Variants in PWWP3B observed in about 807,000 individuals in gnomAD.
PWWP3B encodes the protein PWWP domain-containing DNA repair factor 3B.
A neutral mutation model predicts 15.7 loss-of-function variants in PWWP3B; 5 were observed. The ratio of observed to expected loss-of-function variants is 0.32; its 90% CI spans 0.17 to 0.67. The LOEUF (loss-of-function observed/expected upper bound fraction) is 0.67, where lower values mean the gene tolerates loss of function less well. PWWP3B is among the 30% of genes least tolerant of loss of function. The pLI, the probability that PWWP3B is intolerant of heterozygous loss-of-function variation, is 0.74. For missense variants in PWWP3B, 519 were observed against 493.1 expected, an observed-to-expected ratio of 1.05 and a Z score of -0.50; for synonymous variants, 203 against 179.8, an observed-to-expected ratio of 1.13 and a Z score of -1.03.
chrX:106,180,585 C>A (rs958134262), intron 2 of PWWP3B, among the ~76,000 whole-genome samples: 1 of 111,700 alleles, frequency 9.0e-6, no homozygotes, highest in South Asian at 3.7e-4. Context: ...GAGGCATGAA[C>A]AAGCTACAGA....
chrX:106,169,911 A>G (rs910834525), intron 1 of PWWP3B, among the ~76,000 whole-genome samples: 1 of 112,014 alleles, frequency 8.9e-6, no homozygotes, highest in African/African-American at 3.2e-5. Flanking sequence ...AAAAACCTGG[A>G]AATATACATG....
chrX:106,175,598 G>T (rs1489752587), intron 2 of PWWP3B, among the ~76,000 whole-genome samples: 1 of 110,629 alleles, frequency 9.0e-6, no homozygotes, highest in Non-Finnish European at 1.9e-5. Flanking sequence ...CATCATCTTT[G>T]GTTCTACCAA....
At chrX:106,181,900 C>T (rs768041573) in intron 2 of PWWP3B, among the ~76,000 whole-genome samples, 3 of 111,972 alleles carry the variant, frequency 2.7e-5, no homozygotes, top group South Asian at 3.8e-4. Context: ...GGCCCAAAGG[C>T]GAGTAATAGC....
In PWWP3B at chrX:106,205,228, G is replaced by C; in HGVS notation, c.-205G>C. On this transcript the variant is annotated 5_prime_UTR_variant, in exon 4 of 4. Transcript: ENST00000357175. ...CTTTTCCCTGTTTCAGTATCTTCCG[G>C]TATCATCCTATTCAAACAACGTGTT... The C allele has an allele frequency of 2.9e-6, 1 of 348,244 alleles. No individual in the cohort carries two copies. Among genetic ancestry groups the C allele is most frequent in the Non-Finnish European group, 5.0e-6 (1 of 200,485 alleles). The allele number at this position is 348,244 out of a possible 1,213,427, so 28.7% of individuals were successfully genotyped here. A position where few individuals can be genotyped will look rare whatever the true frequency, so the allele number is the denominator to read the frequency against.
chrX:106,175,643 A>C (rs1921866596), intron 2 of PWWP3B, among the ~76,000 whole-genome samples: 2 of 111,126 alleles, frequency 1.8e-5, no homozygotes, highest in Middle Eastern at 4.2e-3. Flanking sequence ...GGGAGTGAAT[A>C]GTGGTGGAAA....
At position 106,208,042 on chromosome X, in the gene PWWP3B, A is replaced by G. The variant is rs1017705049; in HGVS notation, c.*519A>G. ...TATTTTTGCAAAAAAATTATCTGCT[A>G]TATAGAACCAAAGATAGATTCGCTT... On this transcript the variant is annotated 3_prime_UTR_variant, in exon 4 of 4. Coordinates refer to ENST00000357175, the MANE Select transcript of PWWP3B (RefSeq NM_001171020.2). 8.1e-6 allele frequency: 1 copy of G among 124,136 alleles called. No individual in the cohort carries two copies. The highest frequency in any genetic ancestry group is 1.9e-5 in the Non-Finnish European group (1 of 53,595). 10.2% of individuals were successfully genotyped at this position (124,136 alleles called of 1,213,427 possible).
In PWWP3B at chrX:106,205,856, C is replaced by T; in HGVS notation, c.424C>T (p.Pro142Ser). The change falls in exon 4 of 4, where the codon CCA becomes TCA. Residue 142 changes from proline to serine, a missense_variant. Coordinates refer to ENST00000357175, the MANE Select transcript of PWWP3B (RefSeq NM_001171020.2). ...KKYRKDEGDL[P>S]GCLEERENSA... ...ATACCGGAAGGATGAAGGTGACTTA[C>T]CAGGGTGTCTTGAGGAAAGGGAAAA... 1.7e-6 allele frequency: 2 copies of T among 1,211,320 alleles called. No individual in the cohort carries two copies. The highest frequency in any genetic ancestry group is 3.5e-5 in the South Asian group (2 of 56,907).
chrX:106,190,399 T>C (rs1190189977), intron 2 of PWWP3B, among the ~76,000 whole-genome samples: 1 of 112,086 alleles, frequency 8.9e-6, no homozygotes, highest in Non-Finnish European at 1.9e-5. Context: ...TTGTTTGTTT[T>C]TTTCTTGTAA....
chrX:106,199,071 CAG>C (rs1369231510), intron 2 of PWWP3B, among the ~76,000 whole-genome samples: 1 of 94,449 alleles, frequency 1.1e-5, no homozygotes, highest in Non-Finnish European at 2.1e-5. Context: ...TTTTTTGAGA[CAG>C]AGTCTCGCTT....
chrX:106,207,398 G>A lies in PWWP3B; in HGVS notation c.1966G>A (p.Asp656Asn). ...ICSISAVDGL[D>N]YEAAEAKYLK... ...TTCAATTTCTGCTGTTGATGGGTTAGATTACGAGGCAGCTGAAGCAAAGTA... is the reference window on the plus strand; with the variant it reads ...TTCAATTTCTGCTGTTGATGGGTTAAATTACGAGGCAGCTGAAGCAAAGTA... The change falls in exon 4 of 4, where the codon GAT (aspartate) becomes AAT (asparagine). Residue 656 changes from aspartate (D) to asparagine (N), a missense_variant. By Grantham distance (23) the Asp-to-Asn change is conservative. Coordinates refer to ENST00000357175, the MANE Select transcript of PWWP3B (RefSeq NM_001171020.2). The A allele has an allele frequency of 8.5e-7, 1 of 1,171,867 alleles. No individual in the cohort carries two copies. The highest frequency in any genetic ancestry group is 1.1e-6 in the Non-Finnish European group (1 of 875,135).
At chrX:106,192,527 G>A (rs1445850627) in intron 2 of PWWP3B, among the ~76,000 whole-genome samples, 12 of 110,838 alleles carry the variant, frequency 1.1e-4, no homozygotes, top group African/African-American at 3.9e-4. Context: ...AGGGTTTTTT[G>A]TGTCTCTATT....
At chrX:106,184,195 C>T (rs1381536569) in intron 2 of PWWP3B, among the ~76,000 whole-genome samples, 4 of 111,141 alleles carry the variant, frequency 3.6e-5, no homozygotes, top group Non-Finnish European at 5.7e-5. Context: ...AATAATGCCT[C>T]CAGATTTTAT....
intron 2 of PWWP3B, among the ~76,000 whole-genome samples, chrX:106,188,411 C>A (rs189356211): frequency 4.6e-4 from 51 of 110,975 alleles, no homozygotes; most frequent in Non-Finnish European, 7.0e-4. Context: ...ATTCAAAGTA[C>A]AAATCAAAAT....
chrX:106,176,632 T>C (rs1488244208), intron 2 of PWWP3B, among the ~76,000 whole-genome samples: 1 of 112,471 alleles, frequency 8.9e-6, no homozygotes, highest in Non-Finnish European at 1.9e-5. Flanking sequence ...TTGAAAACAG[T>C]TTTGTCAATT....
chrX:106,189,243 A>T (rs1346880757), intron 2 of PWWP3B, among the ~76,000 whole-genome samples: 4 of 110,709 alleles, frequency 3.6e-5, no homozygotes, highest in African/African-American at 1.3e-4. Flanking sequence ...TTTTATTATT[A>T]TTATACTTTT....
intron 2 of PWWP3B, among the ~76,000 whole-genome samples, chrX:106,174,173 T>C (rs1192739291): frequency 2.7e-5 from 3 of 111,847 alleles, no homozygotes; most frequent in Non-Finnish European, 5.6e-5. Flanking sequence ...GACAGTTTTC[T>C]TTTATTCCAT....
chrX:106,188,732 T>C (rs1020410984), intron 2 of PWWP3B, among the ~76,000 whole-genome samples: 1 of 112,662 alleles, frequency 8.9e-6, no homozygotes, highest in African/African-American at 3.2e-5. Flanking sequence ...TAGTTTTTCA[T>C]TTTCCAGAAT....
At chrX:106,195,503 A>T (rs1014458624) in intron 2 of PWWP3B, among the ~76,000 whole-genome samples, 3 of 111,508 alleles carry the variant, frequency 2.7e-5, no homozygotes, top group Non-Finnish European at 5.7e-5. Context: ...GTAATTTTGT[A>T]TATCTTCTTA....
intron 2 of PWWP3B, among the ~76,000 whole-genome samples, chrX:106,189,856 A>G (rs1394655941): frequency 9.0e-6 from 1 of 111,055 alleles, no homozygotes; most frequent in African/African-American, 3.3e-5. Flanking sequence ...TGACCTCGTG[A>G]TCCGCCTGCC....
Sources: gnomAD v4.1 joint callset for allele counts (sites outside exome capture counted in the v4.1 genomes callset) on GRCh38, gnomAD v4.1.1 for gene constraint, MANE v1.5 for transcripts, NCBI Gene and HGNC (gene_info 2026-07-23, HGNC 2026-07-21) for gene names.